THADA: variants seen among roughly 807,000 people sequenced by gnomAD.
THADA encodes the protein tRNA (32-2'-O)-methyltransferase regulator THADA.
A neutral mutation model predicts 219.8 loss-of-function variants in THADA; 213 were observed. The observed-to-expected ratio is 0.97, with a 90% CI of 0.87 to 1.09. The LOEUF is 1.09. Among genes scored for constraint, THADA ranks in the 50% least tolerant of loss-of-function variants. The probability of loss-of-function intolerance (pLI) is 0.00; values close to 1 mark genes in which losing one functional copy is unlikely to be tolerated. For missense variants in THADA, 2,956 were observed against 2,311.3 expected, an observed-to-expected ratio of 1.28 and a Z score of -5.72; for synonymous variants, 1,018 against 828.9, an observed-to-expected ratio of 1.23 and a Z score of -3.92.
intron 36 of THADA, among the ~76,000 whole-genome samples, chr2:43,236,302 G>T (rs1169655954): frequency 6.6e-6 from 1 of 152,212 alleles, no homozygotes; most frequent in Non-Finnish European, 1.5e-5. Context: ...GATGCGGGGG[G>T]AAGGATGAGT....
chr2:43,416,175 G>C (rs34175409), intron 28 of THADA, among the ~76,000 whole-genome samples: 3 of 151,968 alleles, frequency 2.0e-5, no homozygotes, highest in African/African-American at 7.3e-5. Flanking sequence ...TAAACATTCA[G>C]GCAAGAAACA....
chr2:43,492,759 G>A lies in THADA; in HGVS notation c.3744+6074C>T, dbSNP rs948915799. Reference sequence around the variant, plus strand: ...ATCTGTAATCCAGGAAAACTGTGCTGGGATTTCTGGGCCTATGATTAAAGG... The same window carrying A: ...ATCTGTAATCCAGGAAAACTGTGCTAGGATTTCTGGGCCTATGATTAAAGG... On this transcript the variant is annotated intron_variant, in intron 25 of 37. Transcript: ENST00000405975. 5.3e-5 allele frequency among the ~76,000 whole-genome samples: 8 copies of A among 152,300 alleles called. 1 individual carries two copies. Among genetic ancestry groups the A allele is most frequent in the African/African-American group, 9.6e-5 (4 of 41,572 alleles).
rs528054110 is a variant in THADA at position 43,583,672 on chromosome 2, C to T, written c.534-1744G>A. Reference sequence around the variant, plus strand: ...GGTAGAAACAGATCAAATTGTCCATCGACAGATTGATTAACATGTGGTCTA... The same window carrying T: ...GGTAGAAACAGATCAAATTGTCCATTGACAGATTGATTAACATGTGGTCTA... On this transcript the variant is annotated intron_variant, in intron 7 of 37. Transcript: ENST00000405975. 8.5e-4 allele frequency among the ~76,000 whole-genome samples: 130 copies of T among 152,220 alleles called. 1 individual carries two copies. Among genetic ancestry groups the T allele is most frequent in the African/African-American group, 3.0e-3 (126 of 41,538 alleles).
intron 28 of THADA, among the ~76,000 whole-genome samples, chr2:43,408,814 T>C (rs1412367284): frequency 6.6e-6 from 1 of 152,210 alleles, no homozygotes; most frequent in Admixed American, 6.5e-5. Context: ...CCTCTCTTGT[T>C]CCATTGTTTA....
chr2:43,492,085 G>C (rs750659860), intron 25 of THADA: 5 of 152,312 alleles, frequency 3.3e-5, no homozygotes, highest in Non-Finnish European at 7.3e-5. Context: ...GGCCGAGGCA[G>C]ATGGATTGCT....
At chr2:43,493,541 T>C (rs745321025) in intron 25 of THADA, among the ~76,000 whole-genome samples, 3 of 152,090 alleles carry the variant, frequency 2.0e-5, no homozygotes, top group Non-Finnish European at 2.9e-5. Flanking sequence ...CTAAGTGGCA[T>C]ACTCAGTGGA....
At chr2:43,298,069 G>A (rs1191225154) in intron 31 of THADA, among the ~76,000 whole-genome samples, 2 of 106,484 alleles carry the variant, frequency 1.9e-5, no homozygotes, top group East Asian at 4.3e-4. Flanking sequence ...GAGCCCCTCT[G>A]CCCGGCCACC....
intron 26 of THADA, among the ~76,000 whole-genome samples, chr2:43,445,913 T>C (rs1171385374): frequency 6.6e-6 from 1 of 152,168 alleles, no homozygotes; most frequent in Non-Finnish European, 1.5e-5. Context: ...ATCACTAAAC[T>C]GCCTATTACA....
intron 29 of THADA, among the ~76,000 whole-genome samples, chr2:43,395,195 A>G (rs528649726): frequency 6.6e-6 from 1 of 152,356 alleles, no homozygotes; most frequent in South Asian, 2.1e-4. Flanking sequence ...GATCTTCAGT[A>G]AAGAAAATCT....
chr2:43,396,950 T>C (rs1045434809), intron 29 of THADA, among the ~76,000 whole-genome samples: 1 of 152,226 alleles, frequency 6.6e-6, no homozygotes, highest in Non-Finnish European at 1.5e-5. Flanking sequence ...CAATAATGAC[T>C]GTCTATATAT....
chr2:43,432,514 A>C (rs2104829558), intron 26 of THADA, among the ~76,000 whole-genome samples: 1 of 150,932 alleles, frequency 6.6e-6, no homozygotes, highest in East Asian at 1.9e-4. Flanking sequence ...CTAATATAAG[A>C]CTTTTTAAGG....
At chr2:43,410,819 T>A (rs1270685746) in intron 28 of THADA, among the ~76,000 whole-genome samples, 1 of 152,194 alleles carries the variant, frequency 6.6e-6, no homozygotes, top group Non-Finnish European at 1.5e-5. Flanking sequence ...TATATAAAAA[T>A]ATCAAATTGT....
At chr2:43,413,756 T>G (rs1676599481) in intron 28 of THADA, among the ~76,000 whole-genome samples, 1 of 152,252 alleles carries the variant, frequency 6.6e-6, no homozygotes, top group African/African-American at 2.4e-5. Flanking sequence ...TCTCTTCATC[T>G]TCTTCTGTTC....
At chr2:43,519,592 T>G (rs1250149442) in intron 22 of THADA, among the ~76,000 whole-genome samples, 1 of 152,238 alleles carries the variant, frequency 6.6e-6, no homozygotes, top group African/African-American at 2.4e-5. Context: ...CAGTTATATG[T>G]TTCCTATTTA....
At chr2:43,344,078 C>G (rs1435086876) in intron 30 of THADA, 44 bp downstream of exon 30, 2 of 1,395,260 alleles carry the variant, frequency 1.4e-6, no homozygotes, top group Non-Finnish European at 2.0e-6. Context: ...CAAATGTATT[C>G]CTAACCCCTG....
chr2:43,290,094 T>A (rs1674513129), intron 34 of THADA, among the ~76,000 whole-genome samples: 1 of 149,330 alleles, frequency 6.7e-6, no homozygotes. Context: ...TGCCTCAGCC[T>A]CCCGAGTAGC....
At chr2:43,517,199 T>C (rs1007894426) in intron 22 of THADA, among the ~76,000 whole-genome samples, 16 of 152,166 alleles carry the variant, frequency 1.1e-4, no homozygotes, top group Non-Finnish European at 1.3e-4. Flanking sequence ...GTTTTCGAGG[T>C]ACCCCCACTC....
chr2:43,235,554 A>G (rs907625741), intron 36 of THADA, among the ~76,000 whole-genome samples: 65 of 152,166 alleles, frequency 4.3e-4, no homozygotes, highest in Non-Finnish European at 8.2e-4. Context: ...GGCTTCCCAA[A>G]GTGCTGGGAT....
chr2:43,270,911 T>G (rs1292853294), intron 36 of THADA, among the ~76,000 whole-genome samples: 1 of 152,068 alleles, frequency 6.6e-6, no homozygotes, highest in African/African-American at 2.4e-5. Flanking sequence ...TATCTCACAG[T>G]GTTGTGAGGA....
Sources: allele counts gnomAD v4.1 joint callset (sites outside exome capture counted in the v4.1 genomes callset), GRCh38; gene constraint gnomAD v4.1.1; transcripts MANE v1.5; gene names NCBI Gene and HGNC (gene_info 2026-07-23, HGNC 2026-07-21).